SULT1C4: variants seen among roughly 807,000 people sequenced by gnomAD.
SULT1C4 encodes the protein sulfotransferase family 1C member 4, also known as sulfotransferase 1C4.
SULT1C4 carries 32 observed loss-of-function variants against 34.8 expected under a neutral mutation model. That is an observed-to-expected ratio of 0.92 (90% CI 0.69 to 1.23). The LOEUF is 1.23. SULT1C4 is among the 50% of genes most tolerant of loss of function. SULT1C4 has a pLI of 0.00. For synonymous variants in SULT1C4, 111 were observed against 120.5 expected (o/e 0.92, Z 0.51); for missense variants, 375 against 365.9 (o/e 1.02, Z -0.20).
chr2:108,381,907 C>A lies in SULT1C4; in HGVS notation c.295+20C>A. 1.4e-6 allele frequency: 2 copies of A among 1,466,480 alleles called. No individual in the cohort carries two copies. The highest frequency in any genetic ancestry group is 2.7e-5 in the Admixed American group (1 of 37,690). The allele number at this position is 1,466,480 out of a possible 1,614,324, so 90.8% of individuals were successfully genotyped here. A position where few individuals can be genotyped will look rare whatever the true frequency, so the allele number is the denominator to read the frequency against. On this transcript the variant is annotated intron_variant, in intron 2 of 6. Coordinates refer to ENST00000272452, the MANE Select transcript of SULT1C4 (RefSeq NM_006588.4). ...GATCTGGTGAGTATAAATAGCCACA[C>A]TTCACTACAGTCCTAAAATGCACTT...
At chr2:108,381,689 C>A in intron 1 of SULT1C4, 73 bp from the exon 2 acceptor site, 2 of 1,300,096 alleles carry the variant, frequency 1.5e-6, no homozygotes, top group Non-Finnish European at 2.0e-6. Flanking sequence ...GATGTTCTAA[C>A]AAGTATTTGA....
Position 108,388,480 on chromosome 2 carries a change from C to T in SULT1C4, c.*1048C>T, listed in dbSNP as rs1209996792. 1.3e-5 allele frequency among the ~76,000 whole-genome samples: 2 copies of T among 152,178 alleles called. No individual in the cohort carries two copies. Among genetic ancestry groups the T allele is most frequent in the African/African-American group, 2.4e-5 (1 of 41,440 alleles). ...ATAGCCACCCTTCTGGTTCACAAAC[C>T]TTTTACTTCTTGCCTCAACTAGTGT... On this transcript the variant is annotated 3_prime_UTR_variant, in exon 7 of 7. Transcript: ENST00000272452.
intron 4 of SULT1C4, 94 bp from the exon 5 acceptor site, chr2:108,383,322 A>G (rs1678468396): frequency 6.3e-7 from 1 of 1,587,472 alleles, no homozygotes; most frequent in African/African-American, 1.4e-5. Context: ...GCCTTCTTTA[A>G]TGGAACATTC....
intron 1 of SULT1C4, among the ~76,000 whole-genome samples, chr2:108,380,828 A>G (rs758925378): frequency 6.6e-6 from 1 of 152,174 alleles, no homozygotes; most frequent in Non-Finnish European, 1.5e-5. Flanking sequence ...GATGACTTCT[A>G]TCTCCCCACT....
At chr2:108,380,178 C>G (rs114876789) in intron 1 of SULT1C4, among the ~76,000 whole-genome samples, 1 of 152,228 alleles carries the variant, frequency 6.6e-6, no homozygotes, top group South Asian at 2.1e-4. Context: ...TATAGAGTTT[C>G]GGCCAGATAA....
chr2:108,380,066 C>A (rs924199108), intron 1 of SULT1C4, among the ~76,000 whole-genome samples: 1 of 152,290 alleles, frequency 6.6e-6, no homozygotes, highest in South Asian at 2.1e-4. Context: ...ATACAGGAGA[C>A]CAACTACTAT....
In SULT1C4 at chr2:108,382,383, A is replaced by T; in HGVS notation, c.296-2A>T. The stretch of plus-strand genomic sequence containing the variant: ...GAAATTGATCGAAAACCAGTTTTGC[A>T]GGTTTGGAACAAGCTCATGCAATGC... On this transcript the variant is annotated splice_acceptor_variant, in intron 2 of 6. Coordinates refer to ENST00000272452, the MANE Select transcript of SULT1C4 (RefSeq NM_006588.4). LOFTEE classifies it high-confidence loss of function. 1.9e-6 allele frequency: 3 copies of T among 1,609,472 alleles called. No homozygotes were observed. Among genetic ancestry groups the T allele is most frequent in the Non-Finnish European group, 2.5e-6 (3 of 1,178,494 alleles).
At chr2:108,382,582 C>T in intron 3 of SULT1C4, 100 bp downstream of exon 3, 1 of 849,810 alleles carries the variant, frequency 1.2e-6, no homozygotes, top group Non-Finnish European at 1.9e-6. Flanking sequence ...TATATATATA[C>T]CTCTTCACAA....
rs1678593476 is a variant in SULT1C4 at position 108,387,301 on chromosome 2, C to A, written c.797-19C>A. ...TCTTCCAACAGCTACTGAACCTCTCCCACATAACTGTATTTCAGGGGCAGT... is the reference window on the plus strand; with the variant it reads ...TCTTCCAACAGCTACTGAACCTCTCACACATAACTGTATTTCAGGGGCAGT... On this transcript the variant is annotated intron_variant, in intron 6 of 6. Transcript: ENST00000272452. The A allele has an allele frequency of 1.3e-6, 2 of 1,586,864 alleles. No individual in the cohort carries two copies. Among genetic ancestry groups the A allele is most frequent in the Non-Finnish European group, 1.7e-6 (2 of 1,158,816 alleles).
intron 2 of SULT1C4, 95 bp from the exon 3 acceptor site, chr2:108,382,290 C>T (rs913667641): frequency 6.3e-6 from 6 of 949,118 alleles, no homozygotes; most frequent in African/African-American, 1.6e-5. Flanking sequence ...CTTATAGATG[C>T]TTTGAATTGT....
In SULT1C4 at chr2:108,382,365, AT is replaced by A. The variant is rs746303887; in HGVS notation, c.296-19del. ...GATAAAAAAAAAATCGTAGAAATTGATCGAAAACCAGTTTTGCAGGTTTGGA... is the reference window on the plus strand; with the variant it reads ...GATAAAAAAAAAATCGTAGAAATTGACGAAAACCAGTTTTGCAGGTTTGGA... On this transcript the variant is annotated intron_variant, in intron 2 of 6. Transcript: ENST00000272452. The A allele has an allele frequency of 6.2e-6, 10 of 1,601,986 alleles. No individual in the cohort carries two copies. Among genetic ancestry groups the A allele is most frequent in the Non-Finnish European group, 8.5e-6 (10 of 1,172,364 alleles).
intron 1 of SULT1C4, among the ~76,000 whole-genome samples, chr2:108,379,358 G>T (rs1678329204): frequency 6.6e-6 from 1 of 152,086 alleles, no homozygotes; most frequent in Non-Finnish European, 1.5e-5. Context: ...TGGAGGCCTT[G>T]GTCTCTTCTT....
rs113468282 is a variant in SULT1C4 at position 108,380,349 on chromosome 2, C to CA, written c.170-1403dup. Among the ~76,000 whole-genome samples the CA allele has an allele frequency of 2.2e-3, 322 of 144,932 alleles. 1 individual carries two copies. In the Middle Eastern group the frequency reaches 0.032, roughly 15 times the overall value. On this transcript the variant is annotated intron_variant, in intron 1 of 6. Coordinates refer to ENST00000272452, the MANE Select transcript of SULT1C4 (RefSeq NM_006588.4). ...GGCAACATAGGGAGACTCCTATGTA[C>CA]AAAAAAAAAATAAAAATTAGCCAGG... is the stretch of plus-strand genomic sequence containing the variant.
intron 5 of SULT1C4, 125 bp from the exon 6 acceptor site, chr2:108,386,067 T>G: frequency 1.4e-6 from 1 of 720,770 alleles, no homozygotes; most frequent in Non-Finnish European, 2.0e-6. Flanking sequence ...CACTTGAGCA[T>G]TTGTTAAGAT....
chr2:108,386,626 T>C (rs1031785335), intron 6 of SULT1C4, among the ~76,000 whole-genome samples: 1 of 152,198 alleles, frequency 6.6e-6, no homozygotes, highest in Non-Finnish European at 1.5e-5. Flanking sequence ...TTCTGGCTAA[T>C]AACATGAAAA....
At chr2:108,384,291 G>A (rs1430654276) in intron 5 of SULT1C4, among the ~76,000 whole-genome samples, 2 of 149,412 alleles carry the variant, frequency 1.3e-5, no homozygotes, top group African/African-American at 2.5e-5. Flanking sequence ...GTGCAGTGGC[G>A]CGATCTCTGG....
chr2:108,381,621 T>C, intron 1 of SULT1C4, 141 bp from the exon 2 acceptor site: 1 of 951,706 alleles, frequency 1.1e-6, no homozygotes, highest in East Asian at 3.3e-5. Flanking sequence ...CCAGCCTTGA[T>C]ACAGAGCAAG....
chr2:108,386,139 C>G, intron 5 of SULT1C4, 53 bp from the exon 6 acceptor site: 1 of 1,301,562 alleles, frequency 7.7e-7, no homozygotes, highest in East Asian at 2.8e-5. Flanking sequence ...TCATAATATT[C>G]TTTTTAAACT....
At chr2:108,387,240 C>A in intron 6 of SULT1C4, 80 bp from the exon 7 acceptor site, 1 of 1,082,584 alleles carries the variant, frequency 9.2e-7, no homozygotes. Flanking sequence ...GCATAGAAAT[C>A]ATCATACAGA....
Sources: allele counts gnomAD v4.1 joint callset (sites outside exome capture counted in the v4.1 genomes callset), GRCh38; gene constraint gnomAD v4.1.1; transcripts MANE v1.5; gene names NCBI Gene and HGNC (gene_info 2026-07-23, HGNC 2026-07-21).